The following DGKI variants were observed in gnomAD, a reference collection of about 807,000 sequenced individuals.
DGKI encodes the protein DAG kinase iota.
A neutral mutation model predicts 147.5 loss-of-function variants in DGKI; 55 were observed. That is an observed-to-expected ratio of 0.37 (90% CI 0.30 to 0.47). DGKI has a LOEUF of 0.47. Among genes scored for constraint, DGKI ranks in the 20% least tolerant of loss-of-function variants. DGKI has a pLI of 1.00. For missense variants in DGKI, 1,007 were observed against 1,323.8 expected (o/e 0.76, Z 3.71); for synonymous variants, 469 against 477.1 (o/e 0.98, Z 0.22).
intron 1 of DGKI, among the ~76,000 whole-genome samples, chr7:137,729,907 G>A (rs1055067188): frequency 1.3e-5 from 2 of 152,056 alleles, no homozygotes; most frequent in African/African-American, 2.4e-5. Flanking sequence ...CATCTTGCTC[G>A]TTGACACTGA....
intron 20 of DGKI, among the ~76,000 whole-genome samples, chr7:137,541,757 A>G (rs996149612): frequency 7.2e-5 from 11 of 152,202 alleles, no homozygotes; most frequent in African/African-American, 2.7e-4. Context: ...AAAGAACTCA[A>G]AATAGATCAC....
chr7:137,728,714 C>T (rs1472107124), intron 1 of DGKI, among the ~76,000 whole-genome samples: 1 of 152,140 alleles, frequency 6.6e-6, no homozygotes, highest in Non-Finnish European at 1.5e-5. Context: ...CTTTTCCCCC[C>T]ATGGTTTCCC....
intron 27 of DGKI, among the ~76,000 whole-genome samples, chr7:137,447,702 G>C (rs188090622): frequency 6.6e-6 from 1 of 152,202 alleles, no homozygotes; most frequent in Admixed American, 6.5e-5. Context: ...CATACATGGC[G>C]TGTGGGGCCC....
intron 28 of DGKI, among the ~76,000 whole-genome samples, chr7:137,438,747 A>G (rs1358776562): frequency 6.6e-6 from 1 of 152,224 alleles, no homozygotes; most frequent in Non-Finnish European, 1.5e-5. Flanking sequence ...AGAGTAGTAT[A>G]CAACATGAAC....
At chr7:137,489,150 T>C (rs1391991566) in intron 21 of DGKI, among the ~76,000 whole-genome samples, 1 of 152,168 alleles carries the variant, frequency 6.6e-6, no homozygotes, top group Non-Finnish European at 1.5e-5. Context: ...TGTGGAACTA[T>C]GGAAGCCTGT....
chr7:137,391,354 G>GA lies in DGKI; in HGVS notation c.3058-19dup, dbSNP rs753097708. ...GTCTTACCCTATACGAAAATAGTGA[G>GA]AAAAAAAAAAAGAGAGAGAGAGATA... On this transcript the variant is annotated intron_variant, in intron 32 of 32. Transcript: ENST00000614521. 0.058 allele frequency: 59,907 copies of GA among 1,025,804 alleles called. 2 individuals are homozygous for GA. The highest frequency in any genetic ancestry group is 0.081 in the South Asian group (3,846 of 47,200). 63.5% of individuals were successfully genotyped at this position (1,025,804 alleles called of 1,614,324 possible).
chr7:137,745,827 A>C (rs1264444243), intron 1 of DGKI, among the ~76,000 whole-genome samples: 1 of 152,238 alleles, frequency 6.6e-6, no homozygotes, highest in Non-Finnish European at 1.5e-5. Context: ...AGTAAGACCA[A>C]TTTCATTGGT....
At chr7:137,666,071 A>C (rs986080862) in intron 3 of DGKI, among the ~76,000 whole-genome samples, 2 of 152,268 alleles carry the variant, frequency 1.3e-5, no homozygotes, top group Non-Finnish European at 2.9e-5. Context: ...AACTACAGTC[A>C]GAACAGTACA....
intron 3 of DGKI, among the ~76,000 whole-genome samples, chr7:137,661,821 C>T (rs1217543782): frequency 4.6e-5 from 7 of 152,220 alleles, no homozygotes; most frequent in East Asian, 3.9e-4. Flanking sequence ...TCTTCAATGG[C>T]GGGGCTAATG....
chr7:137,690,426 C>T (rs1279778374), intron 1 of DGKI, among the ~76,000 whole-genome samples: 1 of 152,160 alleles, frequency 6.6e-6, no homozygotes, highest in Non-Finnish European at 1.5e-5. Context: ...CTCCATTTTC[C>T]AGCAAAGCAT....
intron 27 of DGKI, among the ~76,000 whole-genome samples, chr7:137,457,495 G>A (rs1309629608): frequency 2.0e-5 from 3 of 152,304 alleles, no homozygotes; most frequent in South Asian, 2.1e-4. Flanking sequence ...GAGGACCAGA[G>A]GGGAATGATG....
intron 1 of DGKI, chr7:137,722,438 T>C (rs1794592360): frequency 6.2e-7 from 1 of 1,611,362 alleles, no homozygotes; most frequent in African/African-American, 1.3e-5. Flanking sequence ...ACCATTCTGA[T>C]CATCCTCACT....
At chr7:137,754,619 T>C (rs1434846051) in intron 1 of DGKI, among the ~76,000 whole-genome samples, 9 of 152,202 alleles carry the variant, frequency 5.9e-5, no homozygotes, top group Non-Finnish European at 7.3e-5. Flanking sequence ...GTGTTGTCAT[T>C]CACCTCATGG....
At chr7:137,450,051 T>C (rs916357687) in intron 27 of DGKI, among the ~76,000 whole-genome samples, 1 of 152,210 alleles carries the variant, frequency 6.6e-6, no homozygotes, top group African/African-American at 2.4e-5. Context: ...AAATACTGCA[T>C]GTCTCACTCA....
rs146729754 is a variant in DGKI, at chr7:137,664,182, G to T, written c.607-7642C>A. 2.6e-5 allele frequency among the ~76,000 whole-genome samples: 4 copies of T among 152,178 alleles called. No homozygotes were observed. The South Asian group carries it at 6.2e-4, about 24-fold the overall frequency. ...ACATGAGGCTGGGAGTTCAAGACCAGCCTGGCCAACGTGTCAAAAGCCTGT... is the reference window on the plus strand; with the variant it reads ...ACATGAGGCTGGGAGTTCAAGACCATCCTGGCCAACGTGTCAAAAGCCTGT... On this transcript the variant is annotated intron_variant, in intron 3 of 32. Transcript: ENST00000614521.
In DGKI at chr7:137,469,572, A is replaced by G. The variant is rs1254380890; in HGVS notation, c.2421T>C (p.Ser807=). ...CACCATCTAGGAAGCACCACCGAGG[A>G]GAGAGCCTCTGTGCTGAGAGAGCCC... ...FPRALSAQRL[S]PRWCFLDATS... The change falls in exon 24 of 33, where the codon TCT becomes TCC. Residue 807 remains serine (S), a synonymous_variant. Transcript: ENST00000614521. The G allele has an allele frequency of 6.2e-7, 1 of 1,614,036 alleles. No homozygotes were observed. The highest frequency in any genetic ancestry group is 1.1e-5 in the South Asian group (1 of 91,062).
intron 6 of DGKI, among the ~76,000 whole-genome samples, chr7:137,626,042 C>T (rs1820929220): frequency 6.6e-6 from 1 of 152,192 alleles, no homozygotes; most frequent in African/African-American, 2.4e-5. Flanking sequence ...TCCTGTGTGA[C>T]TCTCCTGGGA....
chr7:137,647,257 T>A (rs1821858387), intron 5 of DGKI, among the ~76,000 whole-genome samples: 2 of 152,222 alleles, frequency 1.3e-5, no homozygotes, highest in Non-Finnish European at 2.9e-5. Flanking sequence ...TATGAGTTGT[T>A]GAAATATTGA....
At chr7:137,437,309 A>G (rs1813323045) in intron 28 of DGKI, among the ~76,000 whole-genome samples, 1 of 152,224 alleles carries the variant, frequency 6.6e-6, no homozygotes, top group Non-Finnish European at 1.5e-5. Context: ...AGGAATATTG[A>G]TAAAGAAACA....
Sources: gnomAD v4.1 joint callset for allele counts (sites outside exome capture counted in the v4.1 genomes callset) on GRCh38, gnomAD v4.1.1 for gene constraint, MANE v1.5 for transcripts, NCBI Gene and HGNC (gene_info 2026-07-23, HGNC 2026-07-21) for gene names.